Variants in FNDC3A observed in about 807,000 individuals in gnomAD.
The protein encoded by FNDC3A is fibronectin type III domain containing 3A.
In FNDC3A, 32 loss-of-function variants were observed where a neutral mutation model predicts 148.9. The observed-to-expected ratio is 0.21, with a 90% CI of 0.16 to 0.29. The LOEUF (loss-of-function observed/expected upper bound fraction) is 0.29. Among genes scored for constraint, FNDC3A ranks in the 10% least tolerant of loss-of-function variants. The pLI, the probability that FNDC3A is intolerant of heterozygous loss-of-function variation, is 1.00. For missense variants in FNDC3A, 1,191 were observed against 1,452.8 expected, an observed-to-expected ratio of 0.82 and a Z score of 2.93; for synonymous variants, 472 against 473.6, an observed-to-expected ratio of 1.00 and a Z score of 0.04.
chr13:49,068,228 G>A (rs1877400642), intron 2 of FNDC3A, among the ~76,000 whole-genome samples: 1 of 151,414 alleles, frequency 6.6e-6, no homozygotes, highest in African/African-American at 2.4e-5. Flanking sequence ...GCCAGGCATG[G>A]TGGTGTTCAC....
intron 2 of FNDC3A, among the ~76,000 whole-genome samples, chr13:49,067,469 G>T (rs928232553): frequency 7.2e-5 from 11 of 152,164 alleles, no homozygotes; most frequent in African/African-American, 2.7e-4. Flanking sequence ...CATAGGGTAA[G>T]GTGGATGTAA....
intron 8 of FNDC3A, among the ~76,000 whole-genome samples, chr13:49,158,316 G>A (rs899060563): frequency 6.6e-6 from 1 of 152,192 alleles, no homozygotes; most frequent in Non-Finnish European, 1.5e-5. Context: ...TCTTTGACTC[G>A]GAAAGGGAAC....
chr13:49,130,346 T>C (rs1183637255), intron 4 of FNDC3A, among the ~76,000 whole-genome samples: 1 of 152,120 alleles, frequency 6.6e-6, no homozygotes, highest in Non-Finnish European at 1.5e-5. Context: ...GCTGTTAAAA[T>C]TGTCCTGGTC....
chr13:49,131,065 C>A lies in FNDC3A; in HGVS notation c.253-72C>A, dbSNP rs1881999405. The stretch of plus-strand genomic sequence containing the variant: ...AGAGGCATGAGCTACCGTGCCTACC[C>A]TACTCTTAACATTTTTAAAAGAATT... On this transcript the variant is annotated intron_variant, in intron 4 of 25. Coordinates refer to ENST00000492622, the MANE Select transcript of FNDC3A (RefSeq NM_001079673.2). The A allele has an allele frequency of 4.8e-6, 6 of 1,246,728 alleles. No homozygotes were observed. In the East Asian group the frequency reaches 1.4e-4, roughly 29 times the overall value. The allele number at this position is 1,246,728 out of a possible 1,614,324, so 77.2% of individuals were successfully genotyped here.
intron 1 of FNDC3A, among the ~76,000 whole-genome samples, chr13:48,990,650 C>T (rs902295394): frequency 2.7e-5 from 4 of 150,714 alleles, no homozygotes; most frequent in Non-Finnish European, 2.9e-5. Context: ...TAGTCACAGC[C>T]GCTCGGAAGG....
chr13:49,066,370 C>T (rs1261950469), intron 2 of FNDC3A, among the ~76,000 whole-genome samples: 2 of 150,908 alleles, frequency 1.3e-5, no homozygotes, highest in Admixed American at 1.3e-4. Flanking sequence ...GATCTCTCAC[C>T]CTTATAGTTC....
intron 2 of FNDC3A, among the ~76,000 whole-genome samples, chr13:49,018,874 G>A (rs1025785555): frequency 6.6e-6 from 1 of 152,252 alleles, no homozygotes; most frequent in Non-Finnish European, 1.5e-5. Flanking sequence ...TGAGGTGTCA[G>A]TCTGCCCCTG....
Position 49,175,384 on chromosome 13 carries a change from T to C in FNDC3A, c.1373T>C (p.Val458Ala), listed in dbSNP as rs1485872871. Reference protein sequence around the residue: ...DYGTSGFSEEVLYYTSGCAPS... With the variant: ...DYGTSGFSEEALYYTSGCAPS... ...TTCAACAGTGGTTTTAGTGAAGAAG[T>C]CTTATATTACACCTCAGGCTGTGCT... Residue 458 changes from valine to alanine, a missense_variant, in exon 13 of 26, where the codon GTC (valine) becomes GCC (alanine). Transcript: ENST00000492622. The C allele has an allele frequency of 6.3e-7, 1 of 1,585,084 alleles. No individual in the cohort carries two copies. Among genetic ancestry groups the C allele is most frequent in the East Asian group, 2.3e-5 (1 of 43,692 alleles).
intron 2 of FNDC3A, among the ~76,000 whole-genome samples, chr13:49,023,111 G>A (rs1046429875): frequency 6.6e-6 from 1 of 151,984 alleles, no homozygotes; most frequent in African/African-American, 2.4e-5. Flanking sequence ...TACAAATTGG[G>A]TGTAAATTTT....
chr13:49,174,512 A>C lies in FNDC3A; in HGVS notation c.1308A>C (p.Ala436=), dbSNP rs138243997. Residue 436 remains alanine (A), a synonymous_variant, in exon 12 of 26, where the codon GCA becomes GCC. Transcript: ENST00000492622. ...KQFKITKLSP[A]MGCKFRLSAR... Reference sequence around the variant, plus strand: ...TTAAAATTACTAAACTTTCACCAGCAATGGGCTGTAAATTCAGACTATCGG... The same window carrying C: ...TTAAAATTACTAAACTTTCACCAGCCATGGGCTGTAAATTCAGACTATCGG... The C allele has an allele frequency of 5.9e-4, 945 of 1,612,674 alleles. No individual in the cohort carries two copies. Among genetic ancestry groups the C allele is most frequent in the Admixed American group, 7.8e-4 (47 of 59,966 alleles).
At chr13:49,062,303 A>G (rs1374586531) in intron 2 of FNDC3A, among the ~76,000 whole-genome samples, 1 of 152,140 alleles carries the variant, frequency 6.6e-6, no homozygotes, top group African/African-American at 2.4e-5. Flanking sequence ...ATTTTTTTCT[A>G]TAGGTTTAAA....
chr13:49,003,603 T>C (rs991009480), intron 1 of FNDC3A, among the ~76,000 whole-genome samples: 4 of 152,200 alleles, frequency 2.6e-5, no homozygotes, highest in African/African-American at 9.7e-5. Flanking sequence ...TATATCCTGT[T>C]TAAGAAATCT....
chr13:49,011,523 C>T (rs193236061), intron 2 of FNDC3A, among the ~76,000 whole-genome samples: 16 of 152,224 alleles, frequency 1.1e-4, no homozygotes, highest in Admixed American at 2.6e-4. Flanking sequence ...CGTGAGCCAC[C>T]GGCGGCTGGC....
intron 2 of FNDC3A, among the ~76,000 whole-genome samples, chr13:49,006,926 T>C: frequency 6.6e-6 from 1 of 152,034 alleles, no homozygotes; most frequent in South Asian, 2.1e-4. Context: ...AAAAACATAA[T>C]AAATGTTAAT....
At chr13:49,162,856 A>G (rs539833561) in intron 8 of FNDC3A, among the ~76,000 whole-genome samples, 2 of 152,230 alleles carry the variant, frequency 1.3e-5, no homozygotes, top group Admixed American at 1.3e-4. Context: ...TTTTCCTTCT[A>G]ACAGTCAGGT....
intron 6 of FNDC3A, 44 bp downstream of exon 6, chr13:49,136,645 C>T (rs571916736): frequency 9.6e-6 from 15 of 1,561,888 alleles, no homozygotes; most frequent in South Asian, 2.3e-5. Context: ...ATGCTATTCT[C>T]GTGATTTAAC....
intron 1 of FNDC3A, among the ~76,000 whole-genome samples, chr13:48,986,663 T>C (rs560165437): frequency 1.4e-4 from 22 of 152,096 alleles, no homozygotes; most frequent in Non-Finnish European, 2.8e-4. Flanking sequence ...CCCAAAGTGC[T>C]GGGATTACAG....
At chr13:49,191,769 AAG>A (rs1885900005) in intron 19 of FNDC3A, among the ~76,000 whole-genome samples, 1 of 152,172 alleles carries the variant, frequency 6.6e-6, no homozygotes, top group Non-Finnish European at 1.5e-5. Context: ...TTTGAGGCTA[AAG>A]TAGCATTTAC....
At chr13:49,110,548 A>C in intron 3 of FNDC3A, 1 of 678,322 alleles carries the variant, frequency 1.5e-6, no homozygotes. Context: ...CCATGTAAAT[A>C]CAAAAAGGTT....
Sources: allele counts gnomAD v4.1 joint callset (sites outside exome capture counted in the v4.1 genomes callset), GRCh38; gene constraint gnomAD v4.1.1; transcripts MANE v1.5; gene names NCBI Gene and HGNC (gene_info 2026-07-23, HGNC 2026-07-21).